The following GRIK5 variants were observed in gnomAD, a reference collection of about 807,000 sequenced individuals.
GRIK5 encodes the protein glutamate ionotropic receptor kainate type subunit 5.
A neutral mutation model predicts 97.4 loss-of-function variants in GRIK5; 43 were observed. The observed-to-expected ratio is 0.44, with a 90% confidence interval of 0.35 to 0.57. The LOEUF is 0.57. Ranked by LOEUF, GRIK5 falls within the 20% of genes least tolerant of loss-of-function variation. The pLI is 0.01. For synonymous variants in GRIK5, 580 were observed against 583.5 expected (o/e 0.99, Z 0.09); for missense variants, 1,015 against 1,382.0 (o/e 0.73, Z 4.21).
Position 42,042,459 on chromosome 19 carries a change from A to G in GRIK5, c.1473+93T>C. On this transcript the variant is annotated intron_variant, in intron 12 of 19. Transcript: ENST00000593562. The surrounding 1 kb of genome is among the most constrained non-coding windows in gnomAD (Gnocchi z 6.9). ...GCTCCTTCCTCTTCTGCCACCAGCC[A>G]GGCTGCTTCTGAGGTTCGACTGGCT... 9.0e-7 allele frequency: 1 copy of G among 1,111,748 alleles called. No homozygotes were observed. The highest frequency in any genetic ancestry group is 1.3e-6 in the Non-Finnish European group (1 of 764,708). 68.9% of individuals were successfully genotyped at this position (1,111,748 alleles called of 1,614,324 possible). A position where few individuals can be genotyped will look rare whatever the true frequency, so the allele number is the denominator to read the frequency against.
At position 42,065,617 on chromosome 19, in the gene GRIK5, C is replaced by T. The variant is rs572885518; in HGVS notation, c.79+75G>A. 6.5e-5 allele frequency: 83 copies of T among 1,275,946 alleles called. No homozygotes were observed. The highest frequency in any genetic ancestry group is 3.3e-4 in the African/African-American group (22 of 67,656). The allele number at this position is 1,275,946 out of a possible 1,614,324, so 79.0% of individuals were successfully genotyped here. On this transcript the variant is annotated intron_variant, in intron 2 of 19. Transcript: ENST00000593562. The surrounding 1 kb of genome is among the most constrained non-coding windows in gnomAD (Gnocchi z 5.8). Reference sequence around the variant, plus strand: ...AAGAGAGCTGAGACCTGGACCCTGACGGACTGGCATGCCTGGGTCCCCAGA... The same window carrying T: ...AAGAGAGCTGAGACCTGGACCCTGATGGACTGGCATGCCTGGGTCCCCAGA...
chr19:42,026,142 C>T (rs184937193), intron 12 of GRIK5, among the ~76,000 whole-genome samples: 5 of 152,090 alleles, frequency 3.3e-5, no homozygotes, highest in South Asian at 4.2e-4. Context: ...CGAGCCACTA[C>T]GCCTGACTAA....
At chr19:42,046,469 A>C (rs957286184) in intron 11 of GRIK5, among the ~76,000 whole-genome samples, 6 of 152,224 alleles carry the variant, frequency 3.9e-5, no homozygotes, top group African/African-American at 1.4e-4. Context: ...TGCTAAGTCC[A>C]GTTCTAAGAA....
chr19:42,013,289 C>T (rs998943589), intron 15 of GRIK5, among the ~76,000 whole-genome samples: 1 of 151,680 alleles, frequency 6.6e-6, no homozygotes, highest in Non-Finnish European at 1.5e-5. Flanking sequence ...GAGTTTGAGG[C>T]TGTAGGGAGC....
chr19:42,002,570 C>T lies in GRIK5; in HGVS notation c.2514+762G>A. 1 of 652,626 alleles carries T rather than the reference C, an allele frequency of 1.5e-6. No homozygotes were observed. The highest frequency in any genetic ancestry group is 2.8e-6 in the Non-Finnish European group (1 of 353,366). The allele number at this position is 652,626 out of a possible 1,614,324, so 40.4% of individuals were successfully genotyped here. ...GTCTGGGGAGTAGATGTAAGGTCAG[C>T]CGCTGGATGTGAGGAGGGGGAGGAA... On this transcript the variant is annotated intron_variant, in intron 19 of 19. Transcript: ENST00000593562. The surrounding 1 kb of genome is among the most constrained non-coding windows in gnomAD (Gnocchi z 5.2).
intron 11 of GRIK5, among the ~76,000 whole-genome samples, chr19:42,050,581 C>T (rs2076101779): frequency 6.6e-6 from 1 of 151,324 alleles, no homozygotes; most frequent in Admixed American, 6.6e-5. Flanking sequence ...TGGTGTGAAC[C>T]CAGGAGGCGG....
chr19:42,049,935 T>A (rs1350885965), intron 11 of GRIK5, among the ~76,000 whole-genome samples: 1 of 151,964 alleles, frequency 6.6e-6, no homozygotes, highest in Non-Finnish European at 1.5e-5. Context: ...TATTTACGTA[T>A]TTATTTATTA....
intron 17 of GRIK5, among the ~76,000 whole-genome samples, chr19:42,004,423 G>A (rs1555871889): frequency 2.0e-5 from 3 of 152,084 alleles, no homozygotes; most frequent in African/African-American, 7.2e-5. Context: ...GATACTTCCC[G>A]ACCAACTACC....
rs2075455665 is a variant in GRIK5 at position 42,003,907 on chromosome 19, T to C, written c.2264-224A>G. 2 of 474,796 alleles carry C rather than the reference T, an allele frequency of 4.2e-6. No individual in the cohort carries two copies. Among genetic ancestry groups the C allele is most frequent in the Admixed American group, 4.0e-5 (1 of 25,102 alleles). 29.4% of individuals were successfully genotyped at this position (474,796 alleles called of 1,614,324 possible). ...GCCATACCTTTCCTGTGCTCAGGAC[T>C]CTCCATGGCTTCCTGTTGCAAGCTC... On this transcript the variant is annotated intron_variant, in intron 17 of 19. Transcript: ENST00000593562. This position sits in a 1 kb window ranked among gnomAD's most constrained non-coding sequence, Gnocchi z 4.2.
rs1555872361 is a variant in GRIK5 at position 42,005,750 on chromosome 19, T to G, written c.2236A>C (p.Lys746Gln). Residue 746 changes from lysine (K) to glutamine (Q), a missense_variant, in exon 17 of 20, where the codon AAG becomes CAG. Lys to Gln is a moderately conservative substitution (Grantham distance 53, BLOSUM62 1). Around this residue, in one of 5 missense-constraint regions of GRIK5, gnomAD observed 229 missense variants for 341.0 expected, o/e 0.67. Coordinates refer to ENST00000593562, the MANE Select transcript of GRIK5 (RefSeq NM_002088.5). ...AGCGGCATGCCAATGCCGTAGCCCT[T>G]GGTGTCGAGGAGTCCCCCGATCTGG... ...LTQIGGLLDT[K>Q]GYGIGMPLGS... is the part of the protein sequence containing the mutation. 6.2e-7 allele frequency: 1 copy of G among 1,613,518 alleles called. No individual in the cohort carries two copies. The highest frequency in any genetic ancestry group is 1.7e-5 in the Admixed American group (1 of 60,002).
At chr19:42,069,000 G>A in intron 1 of GRIK5, 1 of 529,716 alleles carries the variant, frequency 1.9e-6, no homozygotes, top group Non-Finnish European at 3.4e-6. Flanking sequence ...AGCCCCGTAG[G>A]ACCCCAGAAA....
chr19:42,046,221 T>C (rs1007213580), intron 11 of GRIK5, among the ~76,000 whole-genome samples: 1 of 152,124 alleles, frequency 6.6e-6, no homozygotes, highest in African/African-American at 2.4e-5. Flanking sequence ...CAAGCTGATC[T>C]CTAAATTCAA....
intron 15 of GRIK5, among the ~76,000 whole-genome samples, chr19:42,014,152 G>C (rs1210673435): frequency 2.0e-5 from 3 of 151,558 alleles, no homozygotes; most frequent in Non-Finnish European, 4.4e-5. Context: ...CCAGCACTTT[G>C]GGAGTCTGAG....
In GRIK5 at chr19:41,999,425, C is replaced by T. The variant is rs1313462473; in HGVS notation, c.2515-126G>A. Reference sequence around the variant, plus strand: ...GTCTTTCTTCCTTCTGCCCTCGCTTCCCTTCCCACTTCTCTTCCCTTTATC... The same window carrying T: ...GTCTTTCTTCCTTCTGCCCTCGCTTTCCTTCCCACTTCTCTTCCCTTTATC... On this transcript the variant is annotated intron_variant, in intron 19 of 19. Transcript: ENST00000593562. The surrounding 1 kb of genome is among the most constrained non-coding windows in gnomAD (Gnocchi z 5.0). The T allele has an allele frequency of 1.6e-5, 11 of 687,624 alleles. No homozygotes were observed. The highest frequency in any genetic ancestry group is 2.3e-5 in the Non-Finnish European group (10 of 435,800). 42.6% of individuals were successfully genotyped at this position (687,624 alleles called of 1,614,324 possible). A position where few individuals can be genotyped will look rare whatever the true frequency, so the allele number is the denominator to read the frequency against.
In GRIK5 at chr19:41,999,314, G is replaced by A. The variant is rs2075406199; in HGVS notation, c.2515-15C>T. 1 of 1,505,050 alleles carries A rather than the reference G, an allele frequency of 6.6e-7. No homozygotes were observed. The highest frequency in any genetic ancestry group is 8.8e-7 in the Non-Finnish European group (1 of 1,133,634). 93.2% of individuals were successfully genotyped at this position (1,505,050 alleles called of 1,614,324 possible). A position where few individuals can be genotyped will look rare whatever the true frequency, so the allele number is the denominator to read the frequency against. ...CACACCGACACCTGGGGGTGGCGCG[G>A]GCGGTCACCGTCCCGGCGCAGTCCG... is the stretch of plus-strand genomic sequence containing the variant. On this transcript the variant is annotated splice_polypyrimidine_tract_variant and intron_variant, in intron 19 of 19. Transcript: ENST00000593562. This position sits in a 1 kb window ranked among gnomAD's most constrained non-coding sequence, Gnocchi z 5.0.
At chr19:42,054,724 A>G (rs1337490232) in intron 8 of GRIK5, among the ~76,000 whole-genome samples, 1 of 152,114 alleles carries the variant, frequency 6.6e-6, no homozygotes, top group Non-Finnish European at 1.5e-5. Flanking sequence ...GTGGCCATGT[A>G]TCTCTCAGAG....
chr19:42,065,708 G>A lies in GRIK5; in HGVS notation c.63C>T (p.Leu21=), dbSNP rs765093956. The A allele has an allele frequency of 1.0e-5, 16 of 1,593,680 alleles. No individual in the cohort carries two copies. The highest frequency in any genetic ancestry group is 6.9e-5 in the Admixed American group (4 of 57,696). The change falls in exon 2 of 20, where the codon CTC becomes CTT. Residue 21 remains leucine (L), a synonymous_variant. Coordinates refer to ENST00000593562, the MANE Select transcript of GRIK5 (RefSeq NM_002088.5). This position sits in a 1 kb window ranked among gnomAD's most constrained non-coding sequence, Gnocchi z 5.8. ...VAFASPSCQV[L]SSLRMAAILD... ...GGGCCTCACCCATGCGCAGTGATGA[G>A]AGCACCTGGCAGCTGGGGCTGGCGA... is the stretch of plus-strand genomic sequence containing the variant.
At chr19:42,017,939 G>A (rs931757102) in intron 15 of GRIK5, among the ~76,000 whole-genome samples, 4 of 152,116 alleles carry the variant, frequency 2.6e-5, no homozygotes, top group African/African-American at 9.7e-5. Context: ...TGGAAACAGG[G>A]AGGTCAGAGG....
At chr19:42,014,085 T>C (rs1294973150) in intron 15 of GRIK5, among the ~76,000 whole-genome samples, 1 of 150,424 alleles carries the variant, frequency 6.6e-6, no homozygotes, top group East Asian at 2.0e-4. Flanking sequence ...CTATTACATA[T>C]AAATAAAATT....
Sources: gnomAD v4.1 joint callset for allele counts (sites outside exome capture counted in the v4.1 genomes callset) on GRCh38, gnomAD v4.1.1 for gene constraint, gnomAD v4.1.1 regional missense constraint, Gnocchi (gnomAD v3.1) non-coding constraint, MANE v1.5 for transcripts, NCBI Gene and HGNC (gene_info 2026-07-23, HGNC 2026-07-21) for gene names.